Variants in AP3D1 observed in about 807,000 individuals in gnomAD.
The protein encoded by AP3D1 is adaptor related protein complex 3 subunit delta 1.
AP3D1 carries 51 observed loss-of-function variants against 147.6 expected under a neutral mutation model. The observed-to-expected ratio is 0.35, with a 90% CI of 0.28 to 0.44. The LOEUF (loss-of-function observed/expected upper bound fraction) is 0.44. Ranked by LOEUF, AP3D1 falls within the 20% of genes least tolerant of loss-of-function variation. The pLI is 1.00. For missense variants in AP3D1, 1,421 were observed against 1,624.2 expected, an observed-to-expected ratio of 0.87 and a Z score of 2.15; for synonymous variants, 760 against 663.0, an observed-to-expected ratio of 1.15 and a Z score of -2.25.
At chr19:2,157,388 G>A (rs1297618753) in intron 1 of AP3D1, among the ~76,000 whole-genome samples, 1 of 139,994 alleles carries the variant, frequency 7.1e-6, no homozygotes, top group Non-Finnish European at 1.5e-5. Context: ...CTTGCAGTGA[G>A]CCGAGATTGC....
intron 27 of AP3D1, among the ~76,000 whole-genome samples, chr19:2,110,476 A>G (rs1205082561): frequency 6.6e-6 from 1 of 152,170 alleles, no homozygotes; most frequent in Non-Finnish European, 1.5e-5. Context: ...AGAAGGCCCC[A>G]GAATCCAGCC....
In AP3D1 at chr19:2,115,430, C is replaced by T. The variant is rs974757255; in HGVS notation, c.2150-12G>A. 1.2e-6 allele frequency: 2 copies of T among 1,607,502 alleles called. No individual in the cohort carries two copies. Among genetic ancestry groups the T allele is most frequent in the Non-Finnish European group, 1.7e-6 (2 of 1,179,466 alleles). ...TGACATAGGCAGCCCTGCGGGCCGG[C>T]AGCGGGCAGCCACTCAGCACTGCAC... On this transcript the variant is annotated splice_polypyrimidine_tract_variant and intron_variant, in intron 19 of 31. Transcript: ENST00000643116.
chr19:2,112,016 G>A, intron 24 of AP3D1, 188 bp from the exon 25 acceptor site: 1 of 920,352 alleles, frequency 1.1e-6, no homozygotes, highest in Non-Finnish European at 1.6e-6. Context: ...AGCGGAGGCT[G>A]GGGCCGTCTC....
chr19:2,142,702 A>G (rs1214343650), intron 1 of AP3D1, among the ~76,000 whole-genome samples: 1 of 151,298 alleles, frequency 6.6e-6, no homozygotes, highest in East Asian at 1.9e-4. Flanking sequence ...CCAGCTCATG[A>G]GAGCAAAGCC....
At position 2,144,763 on chromosome 19, in the gene AP3D1, T is replaced by A. The variant is rs190519419; in HGVS notation, c.97-6049A>T. 7.8e-4 allele frequency among the ~76,000 whole-genome samples: 118 copies of A among 152,050 alleles called. 1 individual carries two copies. The highest frequency in any genetic ancestry group is 2.7e-3 in the African/African-American group (114 of 41,470). ...ACTAAAAATACAAAAATTAGCTTGG[T>A]ATGGTGGTGCATGCCTGTAATCCCA... On this transcript the variant is annotated intron_variant, in intron 1 of 31. Transcript: ENST00000643116.
chr19:2,156,264 A>G (rs1195872023), upstream of AP3D1, among the ~76,000 whole-genome samples: 5 of 152,226 alleles, frequency 3.3e-5, no homozygotes, highest in South Asian at 8.3e-4. Flanking sequence ...ATTTGTCATC[A>G]GTCCTAGCTC....
In AP3D1 at chr19:2,109,877, A is replaced by T. The variant is rs780390488; in HGVS notation, c.3346T>A (p.Tyr1116Asn). ...CSSYLITTPC[Y>N]SDAFAKLLES... ...GGGAGTGGGCCTGGGCCCCACCTGT[A>T]GCAGGGAGTGGTGATCAAGTAGGAG... Residue 1116 changes from tyrosine to asparagine, a missense_variant, in exon 29 of 32, where the codon TAC (tyrosine) becomes AAC (asparagine). By Grantham distance (143) the Tyr-to-Asn change is moderately radical (BLOSUM62 -2). This residue lies in a region of AP3D1 where 791 missense variants were observed against 761.4 expected (regional missense o/e 1.04). Coordinates refer to ENST00000643116, the MANE Select transcript of AP3D1 (RefSeq NM_001261826.3). The T allele has an allele frequency of 6.2e-7, 1 of 1,613,392 alleles. No homozygotes were observed. Among genetic ancestry groups the T allele is most frequent in the Non-Finnish European group, 8.5e-7 (1 of 1,179,938 alleles).
At position 2,121,276 on chromosome 19, in the gene AP3D1, C is replaced by G. The variant is rs780709378; in HGVS notation, c.1137G>C (p.Lys379Asn). Residue 379 changes from lysine to asparagine, a missense_variant, in exon 13 of 32, where the codon AAG (lysine) becomes AAC (asparagine). Physicochemically the swap from Lys to Asn is moderately conservative, Grantham distance 94. Coordinates refer to ENST00000643116, the MANE Select transcript of AP3D1 (RefSeq NM_001261826.3). ...SKKNLMEIVK[K>N]LMTHVDKAEG... ...CTGCCTTGTCTACGTGGGTCATCAG[C>G]TTCTTCACGATCTCCATCAGGTTCT... 6.2e-7 allele frequency: 1 copy of G among 1,614,224 alleles called. No homozygotes were observed. Among genetic ancestry groups the G allele is most frequent in the South Asian group, 1.1e-5 (1 of 91,090 alleles).
chr19:2,115,764 C>A (rs555614235), intron 18 of AP3D1, 151 bp from the exon 19 acceptor site: 3 of 783,552 alleles, frequency 3.8e-6, no homozygotes, highest in Admixed American at 2.9e-5. Context: ...GCGCCGTGAG[C>A]GAGCGCATCC....
At chr19:2,120,729 C>G in intron 14 of AP3D1, 133 bp downstream of exon 14, 2 of 852,732 alleles carry the variant, frequency 2.3e-6, no homozygotes, top group Non-Finnish European at 3.7e-6. Context: ...TGCTGGAAAC[C>G]CACGGACCTG....
intron 23 of AP3D1, 44 bp from the exon 24 acceptor site, chr19:2,113,011 G>T: frequency 6.7e-7 from 1 of 1,503,216 alleles, no homozygotes. Context: ...GCAATGAGGG[G>T]CCCCACTCCA....
intron 16 of AP3D1, 136 bp from the exon 17 acceptor site, chr19:2,116,882 A>T: frequency 1.6e-6 from 2 of 1,219,406 alleles, no homozygotes; most frequent in Non-Finnish European, 2.2e-6. Flanking sequence ...ACACAGGGCC[A>T]GCGAGGCAGG....
chr19:2,125,843 AAAAC>A (rs1457649607), intron 9 of AP3D1, among the ~76,000 whole-genome samples: 1 of 151,776 alleles, frequency 6.6e-6, no homozygotes, highest in Non-Finnish European at 1.5e-5. Flanking sequence ...TAGAAAAAAA[AAAAC>A]AAAAGAGATG....
rs745370837 is a variant in AP3D1 at position 2,127,183 on chromosome 19, G to A, written c.825C>T (p.Leu275=). The A allele has an allele frequency of 1.7e-5, 27 of 1,613,842 alleles. No individual in the cohort carries two copies. Among genetic ancestry groups the A allele is most frequent in the South Asian group, 6.6e-5 (6 of 91,090 alleles). The change falls in exon 9 of 32, where the codon CTC becomes CTT. Residue 275 remains leucine, a synonymous_variant. Transcript: ENST00000643116. ...NLIHSTSAMS[L]LYECVNTVIA... ...TCACGGTGTTCACACATTCATAGAGGAGAGACATGGCAGACGTGCTAAGGA... is the reference window on the plus strand; with the variant it reads ...TCACGGTGTTCACACATTCATAGAGAAGAGACATGGCAGACGTGCTAAGGA...
chr19:2,102,953 A>C (rs2018000044), intron 31 of AP3D1, among the ~76,000 whole-genome samples: 1 of 150,910 alleles, frequency 6.6e-6, no homozygotes, highest in South Asian at 2.1e-4. Flanking sequence ...CCATCTCAAA[A>C]ATAAATAAAT....
Position 2,135,397 on chromosome 19 carries a change from A to G in AP3D1, c.354+1614T>C, listed in dbSNP as rs904113209. ...CTAAAAATACAAAAATTAGCCAGGC[A>G]TGGTGGCGGGCACCTGTAATTCCAG... On this transcript the variant is annotated intron_variant, in intron 4 of 31. Transcript: ENST00000643116. Among the ~76,000 whole-genome samples the G allele has an allele frequency of 2.6e-5, 4 of 151,110 alleles. No individual in the cohort carries two copies. In the East Asian group the frequency reaches 7.9e-4, roughly 30 times the overall value.
intron 22 of AP3D1, 49 bp from the exon 23 acceptor site, chr19:2,113,462 G>T: frequency 2.5e-6 from 3 of 1,195,810 alleles, no homozygotes; most frequent in Non-Finnish European, 3.4e-6. Context: ...ATGGTCCTGG[G>T]AAGAGGGGAC....
At chr19:2,113,140 C>T (rs1599447278) in intron 23 of AP3D1, 173 bp from the exon 24 acceptor site, 2 of 628,586 alleles carry the variant, frequency 3.2e-6, no homozygotes, top group East Asian at 5.7e-5. Context: ...TGGCTGTCCT[C>T]CCCTTCCCCT....
rs1441763264 is a variant in AP3D1 at position 2,129,411 on chromosome 19, G to C, written c.639C>G (p.Arg213=). 22 of 1,614,128 alleles carry C rather than the reference G, an allele frequency of 1.4e-5. No individual in the cohort carries two copies. The highest frequency in any genetic ancestry group is 1.8e-5 in the Non-Finnish European group (21 of 1,180,006). Residue 213 remains arginine, a synonymous_variant, in exon 7 of 32, where the codon CGC becomes CGG. Transcript: ENST00000643116. ...AVNVICELAR[R]NPKNYLSLAP... is the part of the protein sequence containing the mutation. Reference sequence around the variant, plus strand: ...CCAGGGACAGGTAGTTCTTAGGGTTGCGTCTGGCCAGCTCGCAGATGACAT... The same window carrying C: ...CCAGGGACAGGTAGTTCTTAGGGTTCCGTCTGGCCAGCTCGCAGATGACAT...
Sources: gnomAD v4.1 joint callset for allele counts (sites outside exome capture counted in the v4.1 genomes callset) on GRCh38, gnomAD v4.1.1 for gene constraint, gnomAD v4.1.1 regional missense constraint, MANE v1.5 for transcripts, NCBI Gene and HGNC (gene_info 2026-07-23, HGNC 2026-07-21) for gene names.